BPNT1: variants seen among roughly 807,000 people sequenced by gnomAD.
BPNT1 encodes the protein 3'(2'), 5'-bisphosphate nucleotidase 1.
Under a neutral mutation model 36.9 loss-of-function variants are expected in BPNT1, and 28 were observed. The observed-to-expected ratio is 0.76, with a 90% CI of 0.56 to 1.04. The LOEUF is 1.04. Ranked by LOEUF, BPNT1 falls within the 50% of genes least tolerant of loss-of-function variation. The pLI is 0.00. For missense variants in BPNT1, 313 were observed against 372.9 expected (o/e 0.84, Z 1.32); for synonymous variants, 119 against 130.9 (o/e 0.91, Z 0.62).
At chr1:220,071,000 G>A (rs1161826526) in intron 4 of BPNT1, among the ~76,000 whole-genome samples, 1 of 151,334 alleles carries the variant, frequency 6.6e-6, no homozygotes, top group Non-Finnish European at 1.5e-5. Flanking sequence ...AGCTGGGCGT[G>A]GTGGCACATG....
intron 2 of BPNT1, among the ~76,000 whole-genome samples, chr1:220,077,851 T>C (rs1224974881): frequency 1.3e-5 from 2 of 152,110 alleles, no homozygotes; most frequent in African/African-American, 4.8e-5. Flanking sequence ...ACAATACACT[T>C]TTCCTTAAAG....
At chr1:220,076,438 T>G (rs1664551791) in intron 2 of BPNT1, among the ~76,000 whole-genome samples, 1 of 146,816 alleles carries the variant, frequency 6.8e-6, no homozygotes, top group Admixed American at 6.8e-5. Context: ...GAGGCAGAGC[T>G]TGTAGTGAGC....
Position 220,079,672 on chromosome 1 carries a change from T to C in BPNT1, c.120+55A>G, listed in dbSNP as rs536438539. 39 of 1,608,552 alleles carry C rather than the reference T, an allele frequency of 2.4e-5. No homozygotes were observed. In the East Asian group the frequency reaches 4.9e-4, roughly 20 times the overall value. ...TGTCCACATTTTTATATCATTTAGC[T>C]AAACCTCAAGAACAAAAATCAAGTT... On this transcript the variant is annotated intron_variant, in intron 2 of 8. Transcript: ENST00000322067.
intron 2 of BPNT1, among the ~76,000 whole-genome samples, chr1:220,078,187 TAAAA>T (rs756467379): frequency 3.5e-4 from 41 of 116,846 alleles, no homozygotes; most frequent in Non-Finnish European, 6.1e-4. Flanking sequence ...CTTGTCTCTT[TAAAA>T]AAAAAAAAAA....
rs201616529 is a variant in BPNT1, at chr1:220,059,753, T to C, written c.711A>G (p.Val237=). 1.2e-6 allele frequency: 2 copies of C among 1,610,586 alleles called. No individual in the cohort carries two copies. The highest frequency in any genetic ancestry group is 1.7e-6 in the Non-Finnish European group (2 of 1,178,872). Residue 237 remains valine, a synonymous_variant, in exon 8 of 9, where the codon GTA becomes GTG. Transcript: ENST00000322067. ...QLIEGKASAY[V]FASPGCKKWD... is the part of the protein sequence containing the mutation. Reference sequence around the variant, plus strand: ...ACTTCTTACAACCAGGACTTGCAAATACATAAGCAGAGGCTTTGCCTTCAA... The same window carrying C: ...ACTTCTTACAACCAGGACTTGCAAACACATAAGCAGAGGCTTTGCCTTCAA...
chr1:220,059,332 C>T (rs951577380), intron 8 of BPNT1, among the ~76,000 whole-genome samples: 4 of 125,926 alleles, frequency 3.2e-5, no homozygotes, highest in African/African-American at 9.2e-5. Flanking sequence ...CCTCGGTTCA[C>T]TACAAGCCCA....
At position 220,059,728 on chromosome 1, in the gene BPNT1, A is replaced by G; in HGVS notation, c.736T>C (p.Trp246Arg). ...ATAACTTCTGGAGCACAAGTATCCC[A>G]CTTCTTACAACCAGGACTTGCAAAT... ...YVFASPGCKK[W>R]DTCAPEVILH... The change falls in exon 8 of 9, where the codon TGG becomes CGG. Residue 246 changes from tryptophan to arginine, a missense_variant. Transcript: ENST00000322067. 1 of 1,611,886 alleles carries G rather than the reference A, an allele frequency of 6.2e-7. No homozygotes were observed. Among genetic ancestry groups the G allele is most frequent in the Non-Finnish European group, 8.5e-7 (1 of 1,179,344 alleles).
intron 1 of BPNT1, among the ~76,000 whole-genome samples, chr1:220,084,408 C>T (rs530682979): frequency 2.0e-4 from 31 of 152,020 alleles, no homozygotes; most frequent in Non-Finnish European, 3.4e-4. Flanking sequence ...TATTTCTATT[C>T]CTTTATATCC....
At chr1:220,082,083 TATAGAGAGAGAGAGAGAG>T (rs1655198098) in intron 1 of BPNT1, among the ~76,000 whole-genome samples, 7 of 110,830 alleles carry the variant, frequency 6.3e-5, no homozygotes, top group Non-Finnish European at 7.4e-5. Context: ...TATATATATA[TATAGAGAGAGAGAGAGAG>T]AGAGAGAGAG....
intron 2 of BPNT1, among the ~76,000 whole-genome samples, chr1:220,074,746 G>A (rs1664391576): frequency 6.6e-6 from 1 of 151,408 alleles, no homozygotes; most frequent in Admixed American, 6.6e-5. Flanking sequence ...CACCCGCCTT[G>A]ACCTCCCAAA....
chr1:220,083,040 C>T (rs1424741115), intron 1 of BPNT1, among the ~76,000 whole-genome samples: 1 of 151,648 alleles, frequency 6.6e-6, no homozygotes, highest in Non-Finnish European at 1.5e-5. Context: ...AGTTCGAGAC[C>T]AGCCAGACTA....
intron 2 of BPNT1, among the ~76,000 whole-genome samples, chr1:220,078,105 T>C (rs1040669211): frequency 8.0e-5 from 12 of 150,766 alleles, no homozygotes; most frequent in African/African-American, 2.2e-4. Context: ...AGCCCAGAGC[T>C]TGAGGCTGCA....
chr1:220,074,209 C>T (rs976203214), intron 2 of BPNT1, 138 bp from the exon 3 acceptor site: 9 of 688,378 alleles, frequency 1.3e-5, no homozygotes, highest in Admixed American at 3.4e-5. Context: ...AATGAGTTAA[C>T]TGGTTTCTTG....
intron 6 of BPNT1, among the ~76,000 whole-genome samples, chr1:220,064,781 C>T (rs552708503): frequency 6.6e-6 from 1 of 152,070 alleles, no homozygotes; most frequent in Non-Finnish European, 1.5e-5. Context: ...ACAGGAGAGG[C>T]TTGGAATCTA....
chr1:220,063,028 G>T, intron 6 of BPNT1, 74 bp from the exon 7 acceptor site: 1 of 1,456,816 alleles, frequency 6.9e-7, no homozygotes, highest in Non-Finnish European at 9.6e-7. Context: ...GGAATATTCA[G>T]TTATATTAGC....
Position 220,069,366 on chromosome 1 carries a change from T to C in BPNT1, c.382+18A>G, listed in dbSNP as rs1455958331. ...TTGTCCCACTACTGTCAAATATGAA[T>C]ACAAAAGAGATATCAACCTTCGGTA... On this transcript the variant is annotated intron_variant, in intron 5 of 8. Transcript: ENST00000322067. The C allele has an allele frequency of 6.3e-7, 1 of 1,577,760 alleles. No individual in the cohort carries two copies. The highest frequency in any genetic ancestry group is 1.2e-5 in the South Asian group (1 of 86,154).
intron 4 of BPNT1, among the ~76,000 whole-genome samples, chr1:220,071,142 G>A (rs890704255): frequency 2.6e-5 from 4 of 151,790 alleles, no homozygotes; most frequent in Non-Finnish European, 5.9e-5. Flanking sequence ...TTACAGGCGT[G>A]AGCCACCATG....
intron 5 of BPNT1, among the ~76,000 whole-genome samples, chr1:220,068,411 C>T (rs369740719): frequency 5.3e-5 from 8 of 151,490 alleles, no homozygotes; most frequent in South Asian, 2.1e-4. Flanking sequence ...CTTGAACTTC[C>T]GACCTAATTA....
intron 6 of BPNT1, chr1:220,066,158 G>C: frequency 7.0e-7 from 1 of 1,426,926 alleles, no homozygotes. Flanking sequence ...TCAGAAAGAA[G>C]TGGTGAAAAT....
Sources: allele counts gnomAD v4.1 joint callset (sites outside exome capture counted in the v4.1 genomes callset), GRCh38; gene constraint gnomAD v4.1.1; transcripts MANE v1.5; gene names NCBI Gene and HGNC (gene_info 2026-07-23, HGNC 2026-07-21).